The following ADAM12 variants were observed in gnomAD, a reference collection of about 807,000 sequenced individuals.
ADAM12 encodes the protein ADAM metallopeptidase domain 12, also known as disintegrin and metalloproteinase domain-containing protein 12.
ADAM12 carries 70 observed loss-of-function variants against 106.4 expected under a neutral mutation model. That is an observed-to-expected ratio of 0.66 (90% CI 0.54 to 0.80). The LOEUF (loss-of-function observed/expected upper bound fraction) is 0.80. Ranked by LOEUF, ADAM12 falls within the 30% of genes least tolerant of loss-of-function variation. The pLI is 0.00. For synonymous variants in ADAM12, 420 were observed against 433.5 expected (o/e 0.97, Z 0.39); for missense variants, 1,010 against 1,171.9 (o/e 0.86, Z 2.02).
At chr10:126,281,521 T>C (rs1490693038) in intron 2 of ADAM12, among the ~76,000 whole-genome samples, 1 of 152,212 alleles carries the variant, frequency 6.6e-6, no homozygotes, top group Non-Finnish European at 1.5e-5. Flanking sequence ...CAGAAGAACA[T>C]ATTTTCCTTC....
chr10:126,382,378 G>A lies in ADAM12; in HGVS notation c.88+5680C>T, dbSNP rs115568484. On this transcript the variant is annotated intron_variant, in intron 1 of 22. Transcript: ENST00000448723. ...ATAAGGACTCCCAGGAATCGTGAAG[G>A]TGGGTTAGCAAAGTGCTAAACGGAA... 7.0e-3 allele frequency among the ~76,000 whole-genome samples: 1,063 copies of A among 152,326 alleles called. 11 individuals are homozygous for A. Among genetic ancestry groups the A allele is most frequent in the African/African-American group, 0.024 (995 of 41,568 alleles).
At position 126,229,294 on chromosome 10, in the gene ADAM12, C is replaced by T. The variant is rs117021916; in HGVS notation, c.260+49621G>A. Among the ~76,000 whole-genome samples, 780 of 152,226 alleles carry T rather than the reference C, an allele frequency of 5.1e-3. 3 individuals are homozygous for T. The highest frequency in any genetic ancestry group is 8.0e-3 in the Non-Finnish European group (546 of 68,020). Reference sequence around the variant, plus strand: ...TCTTAATTTGCCTTTTGAGAAAAAGCCTGTAGGAACCAAATTCCAATCCTG... The same window carrying T: ...TCTTAATTTGCCTTTTGAGAAAAAGTCTGTAGGAACCAAATTCCAATCCTG... On this transcript the variant is annotated intron_variant, in intron 3 of 22. Coordinates refer to ENST00000448723, the MANE Select transcript of ADAM12 (RefSeq NM_001288973.2).
At chr10:126,322,317 G>A (rs1015055716) in intron 2 of ADAM12, among the ~76,000 whole-genome samples, 19 of 152,186 alleles carry the variant, frequency 1.2e-4, no homozygotes, top group African/African-American at 3.4e-4. Flanking sequence ...CAGAACCCCA[G>A]TCTGGCTCCG....
chr10:126,127,263 TCAGA>T (rs1956221429), intron 5 of ADAM12, among the ~76,000 whole-genome samples: 1 of 152,148 alleles, frequency 6.6e-6, no homozygotes, highest in Admixed American at 6.5e-5. Context: ...GGTGGGCTAG[TCAGA>T]CAGGTGCTGA....
At chr10:126,141,154 ACC>A (rs1175321517) in intron 4 of ADAM12, among the ~76,000 whole-genome samples, 3 of 152,158 alleles carry the variant, frequency 2.0e-5, no homozygotes, top group African/African-American at 7.2e-5. Context: ...AGGGGCTTGC[ACC>A]CCAGGGCCCC....
intron 3 of ADAM12, among the ~76,000 whole-genome samples, chr10:126,201,689 TGGTGGTGACAAGGAACAGA>T (rs1957704003): frequency 6.6e-6 from 1 of 151,314 alleles, no homozygotes; most frequent in South Asian, 2.1e-4. Context: ...GATGAGAGAG[TGGTGGTGACAAGGAACAGA>T]GCTGAGAAGC....
intron 3 of ADAM12, among the ~76,000 whole-genome samples, chr10:126,160,211 G>T (rs12767127): frequency 6.6e-6 from 1 of 152,052 alleles, no homozygotes; most frequent in South Asian, 2.1e-4. Context: ...AAATGCAGGC[G>T]GTGAATGTTA....
Position 126,112,160 on chromosome 10 carries a change from G to A in ADAM12, c.604-2320C>T, listed in dbSNP as rs550514988. On this transcript the variant is annotated intron_variant, in intron 6 of 22. Coordinates refer to ENST00000448723, the MANE Select transcript of ADAM12 (RefSeq NM_001288973.2). ...CTAATATAGGAACAGAGAACCAAGT[G>A]GGAGTTGAACAATAAGAACACATGG... Among the ~76,000 whole-genome samples, 4 of 152,114 alleles carry A rather than the reference G, an allele frequency of 2.6e-5. 1 individual carries two copies. The South Asian group carries it at 8.3e-4, about 32-fold the overall frequency.
chr10:126,250,132 G>A (rs932291863), intron 3 of ADAM12, among the ~76,000 whole-genome samples: 3 of 152,090 alleles, frequency 2.0e-5, no homozygotes, highest in Non-Finnish European at 4.4e-5. Flanking sequence ...AGGGCATACC[G>A]ACCGCAAGGC....
chr10:126,185,408 C>T (rs938662615), intron 3 of ADAM12, among the ~76,000 whole-genome samples: 57 of 152,254 alleles, frequency 3.7e-4, no homozygotes, highest in African/African-American at 1.3e-3. Context: ...ATGACAGCAA[C>T]CTTTTCTGAA....
intron 3 of ADAM12, among the ~76,000 whole-genome samples, chr10:126,278,175 T>A (rs905730499): frequency 6.6e-6 from 1 of 152,224 alleles, no homozygotes; most frequent in East Asian, 1.9e-4. Context: ...TATCTTTACA[T>A]ACAGATTGCT....
At chr10:126,036,356 A>G (rs567720770) in intron 20 of ADAM12, 31 bp from the exon 21 acceptor site, 3 of 1,554,480 alleles carry the variant, frequency 1.9e-6, no homozygotes, top group East Asian at 5.0e-5. Flanking sequence ...GCCATGCTAT[A>G]GCGGGTTTCA....
intron 5 of ADAM12, among the ~76,000 whole-genome samples, chr10:126,126,393 T>A (rs546667397): frequency 6.6e-6 from 1 of 152,210 alleles, no homozygotes; most frequent in Non-Finnish European, 1.5e-5. Context: ...CAACATTTTA[T>A]TAAATTGATA....
intron 14 of ADAM12, among the ~76,000 whole-genome samples, chr10:126,057,803 C>T (rs898319): frequency 0.36 from 55,177 of 152,142 alleles, 11,123 homozygotes; most frequent in East Asian, 0.5. Flanking sequence ...TGAAAACGGA[C>T]TGTGGGGTAG....
At chr10:126,338,562 A>C (rs1424746909) in intron 1 of ADAM12, among the ~76,000 whole-genome samples, 1 of 152,130 alleles carries the variant, frequency 6.6e-6, no homozygotes, top group East Asian at 1.9e-4. Flanking sequence ...TGTAACTTAC[A>C]TTTTTATAAC....
intron 3 of ADAM12, among the ~76,000 whole-genome samples, chr10:126,230,887 T>C (rs1205493876): frequency 1.3e-5 from 2 of 152,242 alleles, no homozygotes; most frequent in Non-Finnish European, 2.9e-5. Context: ...TGCAGTCTTA[T>C]CCCTTAGAGT....
Position 126,277,319 on chromosome 10 carries a change from T to C in ADAM12, c.260+1596A>G, listed in dbSNP as rs201428657. Reference sequence around the variant, plus strand: ...ATTTTTGCTTCTCTACCTGCAGTCGTAATGCTCCATAAAACATTCAGGATT... The same window carrying C: ...ATTTTTGCTTCTCTACCTGCAGTCGCAATGCTCCATAAAACATTCAGGATT... On this transcript the variant is annotated intron_variant, in intron 3 of 22. Transcript: ENST00000448723. 2.6e-5 allele frequency among the ~76,000 whole-genome samples: 4 copies of C among 152,300 alleles called. No individual in the cohort carries two copies. The East Asian group carries it at 7.7e-4, about 29-fold the overall frequency.
Position 126,045,271 on chromosome 10 carries a change from T to C in ADAM12, c.1995+784A>G, listed in dbSNP as rs891908323. Among the ~76,000 whole-genome samples, 87 of 152,166 alleles carry C rather than the reference T, an allele frequency of 5.7e-4. 1 individual carries two copies. The highest frequency in any genetic ancestry group is 2.0e-3 in the African/African-American group (82 of 41,434). ...GAAGACATAAGAAGATTCCATTGTA[T>C]ATTGGGAGTTAGCTAACCTTACCGT... On this transcript the variant is annotated intron_variant, in intron 17 of 22. Coordinates refer to ENST00000448723, the MANE Select transcript of ADAM12 (RefSeq NM_001288973.2).
chr10:126,388,234 C>A lies in ADAM12; in HGVS notation c.-89G>T. On this transcript the variant is annotated 5_prime_UTR_variant, in exon 1 of 23. Transcript: ENST00000448723. This position sits in a 1 kb window ranked among gnomAD's most constrained non-coding sequence, Gnocchi z 4.4. ...GGCGCCGAGCCGGGGCCGGGCGTCG[C>A]GACCGGAGGGATTTCCTGCCTCGGC... The A allele has an allele frequency of 8.4e-7, 1 of 1,187,458 alleles. No individual in the cohort carries two copies. Among genetic ancestry groups the A allele is most frequent in the Non-Finnish European group, 1.0e-6 (1 of 959,202 alleles). The allele number at this position is 1,187,458 out of a possible 1,614,324, so 73.6% of individuals were successfully genotyped here. A position where few individuals can be genotyped will look rare whatever the true frequency, so the allele number is the denominator to read the frequency against.
Sources: allele counts gnomAD v4.1 joint callset (sites outside exome capture counted in the v4.1 genomes callset), GRCh38; gene constraint gnomAD v4.1.1; non-coding constraint Gnocchi (gnomAD v3.1); transcripts MANE v1.5; gene names NCBI Gene and HGNC (gene_info 2026-07-23, HGNC 2026-07-21).